MAMDC2: variants seen among roughly 807,000 people sequenced by gnomAD.
The protein encoded by MAMDC2 is MAM domain containing 2.
In MAMDC2, 57 loss-of-function variants were observed where a neutral mutation model predicts 89.8. That is an observed-to-expected ratio of 0.63 (90% confidence interval 0.51 to 0.79). The LOEUF is 0.79. MAMDC2 is among the 30% of genes least tolerant of loss of function. MAMDC2 has a pLI of 0.00. For missense variants in MAMDC2, 800 were observed against 820.6 expected (o/e 0.97, Z 0.31); for synonymous variants, 313 against 293.4 (o/e 1.07, Z -0.68).
At chr9:70,104,507 G>T (rs962562043) in intron 2 of MAMDC2, among the ~76,000 whole-genome samples, 1 of 152,112 alleles carries the variant, frequency 6.6e-6, no homozygotes, top group African/African-American at 2.4e-5. Context: ...TTAATGGCAG[G>T]ATTATTCATA....
chr9:70,168,714 A>G lies in MAMDC2; in HGVS notation c.1417A>G (p.Ser473Gly). Residue 473 changes from serine (S) to glycine (G), a missense_variant, in exon 10 of 14, where the codon AGC becomes GGC. Transcript: ENST00000377182. ...KPMPTKVVFM[S>G]LCKSFWDCGL... ...TTATGAATTTCAGGTGGTTTTCATGAGCCTATGCAAAAGTTTCTGGGACTG... is the reference window on the plus strand; with the variant it reads ...TTATGAATTTCAGGTGGTTTTCATGGGCCTATGCAAAAGTTTCTGGGACTG... The G allele has an allele frequency of 6.2e-7, 1 of 1,613,790 alleles. No individual in the cohort carries two copies. Among genetic ancestry groups the G allele is most frequent in the Non-Finnish European group, 8.5e-7 (1 of 1,179,734 alleles).
At chr9:70,096,831 AG>A (rs752735987) in intron 2 of MAMDC2, among the ~76,000 whole-genome samples, 17 of 152,092 alleles carry the variant, frequency 1.1e-4, no homozygotes, top group African/African-American at 3.9e-4. Context: ...AAACTATTAA[AG>A]GGGGGGATCA....
chr9:70,095,670 G>T (rs572704590), intron 2 of MAMDC2, among the ~76,000 whole-genome samples: 3 of 152,322 alleles, frequency 2.0e-5, no homozygotes, highest in Non-Finnish European at 2.9e-5. Flanking sequence ...AGTGATAGGG[G>T]ATCAGGCCAG....
At chr9:70,183,347 G>A (rs546451588) in intron 11 of MAMDC2, among the ~76,000 whole-genome samples, 1 of 152,344 alleles carries the variant, frequency 6.6e-6, no homozygotes, top group South Asian at 2.1e-4. Context: ...GGAGAGTTCT[G>A]TAGATATCTA....
intron 2 of MAMDC2, among the ~76,000 whole-genome samples, chr9:70,047,960 A>T (rs1309357237): frequency 2.0e-5 from 3 of 152,196 alleles, no homozygotes; most frequent in Non-Finnish European, 4.4e-5. Context: ...AATATGCTTT[A>T]TCTCCACTGG....
At chr9:70,119,224 G>T (rs560304095) in intron 5 of MAMDC2, among the ~76,000 whole-genome samples, 1 of 151,170 alleles carries the variant, frequency 6.6e-6, no homozygotes, top group Non-Finnish European at 1.5e-5. Flanking sequence ...AAAATAATGA[G>T]GGATGCATCT....
chr9:70,134,461 T>C (rs543414156), intron 7 of MAMDC2, among the ~76,000 whole-genome samples: 106 of 152,040 alleles, frequency 7.0e-4, no homozygotes, highest in African/African-American at 2.5e-3. Flanking sequence ...GTGATCCCAT[T>C]CACTTCTAGA....
chr9:70,219,579 G>A (rs181758983), intron 12 of MAMDC2, among the ~76,000 whole-genome samples: 23 of 152,298 alleles, frequency 1.5e-4, no homozygotes, highest in Non-Finnish European at 2.9e-4. Flanking sequence ...TAAATGGGAA[G>A]GAATTGCAGA....
At chr9:70,159,825 T>C (rs908413204) in intron 9 of MAMDC2, among the ~76,000 whole-genome samples, 1 of 152,184 alleles carries the variant, frequency 6.6e-6, no homozygotes, top group South Asian at 2.1e-4. Flanking sequence ...GAACTCCCTA[T>C]GGGAGGTGGG....
chr9:70,068,876 G>A lies in MAMDC2; in HGVS notation c.148+24179G>A, dbSNP rs188695592. The stretch of plus-strand genomic sequence containing the variant: ...TTAGGGGACAGAGGACAGCAGAAAA[G>A]TTTTCTTAAAGAGGTAGACATTACA... On this transcript the variant is annotated intron_variant, in intron 2 of 13. Coordinates refer to ENST00000377182, the MANE Select transcript of MAMDC2 (RefSeq NM_153267.5). 4.3e-3 allele frequency among the ~76,000 whole-genome samples: 649 copies of A among 152,252 alleles called. 5 individuals are homozygous for A. The highest frequency in any genetic ancestry group is 0.014 in the African/African-American group (586 of 41,540).
intron 7 of MAMDC2, among the ~76,000 whole-genome samples, chr9:70,135,617 T>C (rs1467695578): frequency 6.6e-6 from 1 of 152,198 alleles, no homozygotes; most frequent in Non-Finnish European, 1.5e-5. Flanking sequence ...CCTGGCTTAC[T>C]TTTAAGCTTT....
Position 70,131,500 on chromosome 9 carries a change from A to G in MAMDC2, c.901-19A>G, listed in dbSNP as rs757705503. 2 of 1,559,444 alleles carry G rather than the reference A, an allele frequency of 1.3e-6. No individual in the cohort carries two copies. The highest frequency in any genetic ancestry group is 1.7e-6 in the Non-Finnish European group (2 of 1,147,994). On this transcript the variant is annotated intron_variant, in intron 6 of 13. Coordinates refer to ENST00000377182, the MANE Select transcript of MAMDC2 (RefSeq NM_153267.5). ...CGAAAATATGTGAACATGTGACAGC[A>G]TGCCATTTTCCTCTGCAGGTTATTT... is the stretch of plus-strand genomic sequence containing the variant.
intron 11 of MAMDC2, among the ~76,000 whole-genome samples, chr9:70,191,025 G>A (rs1406610590): frequency 6.6e-6 from 1 of 152,096 alleles, no homozygotes; most frequent in Non-Finnish European, 1.5e-5. Context: ...TAGAGTATAA[G>A]AGATGGAGAT....
intron 7 of MAMDC2, among the ~76,000 whole-genome samples, chr9:70,133,724 C>T (rs1439524390): frequency 1.3e-5 from 2 of 152,194 alleles, no homozygotes; most frequent in East Asian, 3.9e-4. Flanking sequence ...GTTTCATAGA[C>T]TTGTTGGGAA....
chr9:70,065,240 G>C (rs1478911936), intron 2 of MAMDC2, among the ~76,000 whole-genome samples: 2 of 152,072 alleles, frequency 1.3e-5, no homozygotes, highest in African/African-American at 4.8e-5. Flanking sequence ...GGTGTTTTGT[G>C]GTGAACATTC....
chr9:70,223,639 A>T (rs2033603031), intron 12 of MAMDC2, among the ~76,000 whole-genome samples: 1 of 152,328 alleles, frequency 6.6e-6, no homozygotes, highest in Non-Finnish European at 1.5e-5. Context: ...AAAATTTCAA[A>T]CTATCCACAG....
intron 11 of MAMDC2, among the ~76,000 whole-genome samples, chr9:70,206,954 A>T (rs11142087): frequency 0.86 from 130,167 of 151,952 alleles, 55,996 homozygotes; most frequent in East Asian, 0.96. Flanking sequence ...ACAAAGGACA[A>T]GAACTCATCC....
In MAMDC2 at chr9:70,159,756, A is replaced by G. The variant is rs573149944; in HGVS notation, c.1405-8946A>G. ...ATAATGCCTGTCCTTGGACATGACA[A>G]TTAAATTGGTCTTTACATTTTATTA... On this transcript the variant is annotated intron_variant, in intron 9 of 13. Coordinates refer to ENST00000377182, the MANE Select transcript of MAMDC2 (RefSeq NM_153267.5). Among the ~76,000 whole-genome samples, 76 of 152,366 alleles carry G rather than the reference A, an allele frequency of 5.0e-4. 1 individual carries two copies. Among genetic ancestry groups the G allele is most frequent in the Admixed American group, 7.8e-4 (12 of 15,304 alleles).
chr9:70,100,984 A>C (rs1345746615), intron 2 of MAMDC2, among the ~76,000 whole-genome samples: 1 of 152,252 alleles, frequency 6.6e-6, no homozygotes, highest in Non-Finnish European at 1.5e-5. Flanking sequence ...ATATATAGTC[A>C]TGCACTGCAT....
Sources: allele counts gnomAD v4.1 joint callset (sites outside exome capture counted in the v4.1 genomes callset), GRCh38; gene constraint gnomAD v4.1.1; transcripts MANE v1.5; gene names NCBI Gene and HGNC (gene_info 2026-07-23, HGNC 2026-07-21).